EPB41L3: variants seen among roughly 807,000 people sequenced by gnomAD.
EPB41L3 encodes the protein erythrocyte membrane protein band 4.1 like 3, also known as band 4.1-like protein 3.
A neutral mutation model predicts 127.1 loss-of-function variants in EPB41L3; 57 were observed. The observed-to-expected ratio is 0.45, with a 90% CI of 0.36 to 0.56. The LOEUF (loss-of-function observed/expected upper bound fraction) is 0.56, where lower values mean the gene tolerates loss of function less well. Ranked by LOEUF, EPB41L3 falls within the 20% of genes least tolerant of loss-of-function variation. The probability of loss-of-function intolerance (pLI) is 0.00; values close to 1 mark genes in which losing one functional copy is unlikely to be tolerated. For synonymous variants in EPB41L3, 572 were observed against 549.5 expected (o/e 1.04, Z -0.57); for missense variants, 1,273 against 1,372.2 (o/e 0.93, Z 1.14).
intron 3 of EPB41L3, among the ~76,000 whole-genome samples, chr18:5,570,580 CTTTTA>C (rs199685374): frequency 0.013 from 1,906 of 152,026 alleles, 37 homozygotes; most frequent in African/African-American, 0.043. Context: ...TTTTTCTTTT[CTTTTA>C]TTTTATTTTA....
intron 1 of EPB41L3, among the ~76,000 whole-genome samples, chr18:5,507,032 C>G (rs1025650824): frequency 1.3e-5 from 2 of 152,134 alleles, no homozygotes; most frequent in African/African-American, 4.8e-5. Flanking sequence ...AGCCCTACTA[C>G]CTATTAAGTG....
At chr18:5,407,504 T>A (rs1325778475) in intron 15 of EPB41L3, among the ~76,000 whole-genome samples, 197 bp downstream of exon 15, 2 of 152,126 alleles carry the variant, frequency 1.3e-5, no homozygotes, top group Non-Finnish European at 2.9e-5. Context: ...CAGACTATTC[T>A]GAAAAAAGTG....
upstream of EPB41L3, among the ~76,000 whole-genome samples, chr18:5,629,938 CGGA>C (rs1261328020): frequency 6.6e-6 from 1 of 152,116 alleles, no homozygotes; most frequent in Non-Finnish European, 1.5e-5. Context: ...CAAGAGGGGG[CGGA>C]GGAGGAGTTG....
At chr18:5,569,692 G>A (rs959191736) in intron 3 of EPB41L3, among the ~76,000 whole-genome samples, 1 of 152,168 alleles carries the variant, frequency 6.6e-6, no homozygotes, top group African/African-American at 2.4e-5. Context: ...ACTTCTCCAT[G>A]CCTTCAGGTG....
At chr18:5,450,513 C>T (rs913589268) in intron 3 of EPB41L3, among the ~76,000 whole-genome samples, 2 of 151,916 alleles carry the variant, frequency 1.3e-5, no homozygotes, top group Admixed American at 6.6e-5. Flanking sequence ...GAACTCTGTG[C>T]TTTCTGCTCA....
chr18:5,400,056 C>G, intron 16 of EPB41L3: 1 of 155,752 alleles, frequency 6.4e-6, no homozygotes, highest in Non-Finnish European at 1.4e-5. Flanking sequence ...TTGCCCAGGT[C>G]GGCCTCGAAC....
At chr18:5,476,647 C>T (rs1251271867) in intron 3 of EPB41L3, among the ~76,000 whole-genome samples, 1 of 152,166 alleles carries the variant, frequency 6.6e-6, no homozygotes, top group African/African-American at 2.4e-5. Context: ...GAAAGACTCT[C>T]CTCAAAGTTA....
intron 3 of EPB41L3, among the ~76,000 whole-genome samples, chr18:5,588,718 A>G (rs550356247): frequency 1.3e-5 from 2 of 152,232 alleles, no homozygotes; most frequent in African/African-American, 4.8e-5. Flanking sequence ...CCAAGAGTCC[A>G]TTACCTGGAC....
At chr18:5,584,627 A>C (rs1384183818) in intron 3 of EPB41L3, among the ~76,000 whole-genome samples, 1 of 152,248 alleles carries the variant, frequency 6.6e-6, no homozygotes, top group South Asian at 2.1e-4. Context: ...TGAAGAAAAG[A>C]CTAAACAAAA....
chr18:5,536,111 C>A (rs1164961756), intron 1 of EPB41L3, among the ~76,000 whole-genome samples: 2 of 151,986 alleles, frequency 1.3e-5, no homozygotes, highest in African/African-American at 2.4e-5. Context: ...GCTCGCCCCT[C>A]TATAAAGAGA....
At chr18:5,426,992 C>T (rs187187612) in intron 9 of EPB41L3, among the ~76,000 whole-genome samples, 47 of 151,940 alleles carry the variant, frequency 3.1e-4, no homozygotes, top group Non-Finnish European at 2.1e-4. Context: ...TCATTACATG[C>T]TTTATGTTTC....
chr18:5,604,128 C>A (rs1237866389), intron 3 of EPB41L3, among the ~76,000 whole-genome samples: 1 of 152,194 alleles, frequency 6.6e-6, no homozygotes, highest in East Asian at 1.9e-4. Context: ...TGTAATGCAT[C>A]TTTTCTAGTA....
chr18:5,542,332 A>C (rs1191481089), intron 1 of EPB41L3, among the ~76,000 whole-genome samples: 1 of 151,438 alleles, frequency 6.6e-6, no homozygotes, highest in Admixed American at 6.6e-5. Flanking sequence ...TGAGACTTTA[A>C]AAATCAAGGT....
At chr18:5,593,821 C>G (rs943782386) in intron 3 of EPB41L3, among the ~76,000 whole-genome samples, 6 of 152,152 alleles carry the variant, frequency 3.9e-5, no homozygotes, top group African/African-American at 1.4e-4. Flanking sequence ...CTGAGAAAAA[C>G]AATTCAGCGA....
At chr18:5,430,190 C>T (rs977312144) in intron 8 of EPB41L3, among the ~76,000 whole-genome samples, 1 of 152,234 alleles carries the variant, frequency 6.6e-6, no homozygotes, top group Non-Finnish European at 1.5e-5. Context: ...GCCTCCTCTT[C>T]TTGTCCCCTC....
intron 2 of EPB41L3, among the ~76,000 whole-genome samples, chr18:5,484,122 CAG>C (rs2089256306): frequency 1.3e-5 from 1 of 75,162 alleles, no homozygotes; most frequent in Non-Finnish European, 2.5e-5. Context: ...AAAAAAAAAA[CAG>C]AAAAAAAAAA....
chr18:5,509,381 G>A (rs979209936), intron 1 of EPB41L3, among the ~76,000 whole-genome samples: 6 of 152,204 alleles, frequency 3.9e-5, no homozygotes, highest in Non-Finnish European at 8.8e-5. Context: ...AGGTGTCAGC[G>A]GCTGCCTATG....
rs1175892627 is a variant in EPB41L3 at position 5,392,425 on chromosome 18, CAT to C, written c.*1058_*1059del. 6.6e-6 allele frequency: 1 copy of C among 152,568 alleles called. No homozygotes were observed. Among genetic ancestry groups the C allele is most frequent in the Non-Finnish European group, 1.5e-5 (1 of 68,028 alleles). The allele number at this position is 152,568 out of a possible 1,614,324, so 9.5% of individuals were successfully genotyped here. A position where few individuals can be genotyped will look rare whatever the true frequency, so the allele number is the denominator to read the frequency against. ...CCATTTTTATTTCGCTATGCAGAAA[CAT>C]ACATTCACCATGGGCTGTGATGCAG... On this transcript the variant is annotated 3_prime_UTR_variant, in exon 23 of 23. Coordinates refer to ENST00000341928, the MANE Select transcript of EPB41L3 (RefSeq NM_012307.5).
intron 1 of EPB41L3, among the ~76,000 whole-genome samples, chr18:5,527,908 GATATCA>G (rs1207095105): frequency 6.6e-6 from 1 of 152,132 alleles, no homozygotes; most frequent in Non-Finnish European, 1.5e-5. Context: ...GAATACTACA[GATATCA>G]ACATACACGG....
Sources: allele counts gnomAD v4.1 joint callset (sites outside exome capture counted in the v4.1 genomes callset), GRCh38; gene constraint gnomAD v4.1.1; transcripts MANE v1.5; gene names NCBI Gene and HGNC (gene_info 2026-07-23, HGNC 2026-07-21).